COL18A1: variants seen among roughly 807,000 people sequenced by gnomAD.
The protein encoded by COL18A1 is collagen alpha-1(XVIII) chain.
Under a neutral mutation model 168.0 loss-of-function variants are expected in COL18A1, and 133 were observed. The ratio of observed to expected loss-of-function variants is 0.79; its 90% CI spans 0.69 to 0.91. The LOEUF is 0.91. Among genes scored for constraint, COL18A1 ranks in the 40% least tolerant of loss-of-function variants. COL18A1 has a pLI of 0.00. For missense variants in COL18A1, 2,126 were observed against 1,925.4 expected, an observed-to-expected ratio of 1.10 and a Z score of -1.95; for synonymous variants, 949 against 809.0, an observed-to-expected ratio of 1.17 and a Z score of -2.94.
chr21:45,494,333 T>G (rs1274900879), intron 26 of COL18A1: 1 of 575,466 alleles, frequency 1.7e-6, no homozygotes, highest in East Asian at 3.6e-5. Flanking sequence ...AACCCGACCC[T>G]CCCCTCACCA....
chr21:45,482,359 A>G (rs2236468), intron 14 of COL18A1: 280,252 of 665,896 alleles, frequency 0.42, 61,377 homozygotes, highest in African/African-American at 0.64. Flanking sequence ...CCGGGGCCCC[A>G]GGCGTTTGTG....
At chr21:45,495,008 G>T in intron 28 of COL18A1, 93 bp downstream of exon 28, 1 of 1,131,460 alleles carries the variant, frequency 8.8e-7, no homozygotes, top group East Asian at 2.6e-5. Flanking sequence ...CCAGAGGGGA[G>T]TGGACGGCCG....
At chr21:45,456,574 C>A (rs1421535698) in intron 2 of COL18A1, 2 of 1,544,664 alleles carry the variant, frequency 1.3e-6, no homozygotes, top group Admixed American at 3.9e-5. Flanking sequence ...GCCACCTGGG[C>A]ATCTCACGCT....
intron 30 of COL18A1, 33 bp from the exon 31 acceptor site, chr21:45,497,017 C>A (rs1177682629): frequency 1.9e-6 from 3 of 1,557,046 alleles, no homozygotes; most frequent in Non-Finnish European, 1.8e-6. Flanking sequence ...CAGAACATCG[C>A]CCTCAGCAGC....
Position 45,495,425 on chromosome 21 carries a change from G to A in COL18A1, c.2501G>A (p.Gly834Asp). ...CCGGGAGATGCCAGCCTTGGATTTG[G>A]CATGAGGGTGAGTGTCTCTCAAGGG... ...GEPGDASLGFGMRGMPGPPGP... is the reference protein window; with the variant it reads ...GEPGDASLGFDMRGMPGPPGP... The change falls in exon 29 of 42, where the codon GGC (glycine) becomes GAC (aspartate). Residue 834 changes from glycine to aspartate, a missense_variant. Physicochemically the swap from Gly to Asp is moderately conservative, Grantham distance 94 (BLOSUM62 -1). Transcript: ENST00000651438. 6.2e-7 allele frequency: 1 copy of A among 1,609,148 alleles called. No individual in the cohort carries two copies. Among genetic ancestry groups the A allele is most frequent in the Non-Finnish European group, 8.5e-7 (1 of 1,177,632 alleles).
intron 2 of COL18A1, chr21:45,456,437 GC>G (rs2034818898): frequency 1.3e-6 from 2 of 1,544,412 alleles, no homozygotes; most frequent in Middle Eastern, 3.3e-4. Flanking sequence ...GGACAGCGGT[GC>G]TTGGGTCTCC....
intron 13 of COL18A1, among the ~76,000 whole-genome samples, chr21:45,481,551 G>A (rs1335382994): frequency 6.6e-6 from 1 of 152,232 alleles, no homozygotes; most frequent in Non-Finnish European, 1.5e-5. Context: ...CTACCGATGG[G>A]CATTCACCGT....
chr21:45,490,776 C>G, intron 20 of COL18A1, 60 bp from the exon 21 acceptor site: 1 of 1,518,634 alleles, frequency 6.6e-7, no homozygotes, highest in Non-Finnish European at 8.9e-7. Flanking sequence ...CCATCCCTCA[C>G]GGGGGGCCAG....
rs990003305 is a variant in COL18A1 at position 45,511,536 on chromosome 21, G to A, written c.3809+310G>A. 1.2e-4 allele frequency among the ~76,000 whole-genome samples: 18 copies of A among 152,094 alleles called. 1 individual carries two copies. The highest frequency in any genetic ancestry group is 4.6e-4 in the Admixed American group (7 of 15,286). ...GCCTGTGGTCAGCCATGTAAGCAGC[G>A]CAGCGAGTTTATTCACCGAGAATAA... On this transcript the variant is annotated intron_variant, in intron 41 of 41. Coordinates refer to ENST00000651438, the MANE Select transcript of COL18A1 (RefSeq NM_001379500.1).
At chr21:45,491,760 G>A (rs2036362498) in intron 22 of COL18A1, among the ~76,000 whole-genome samples, 1 of 152,192 alleles carries the variant, frequency 6.6e-6, no homozygotes, top group Non-Finnish European at 1.5e-5. Context: ...CTCTGCGCCT[G>A]CCAGCAGTGC....
chr21:45,504,974 G>C (rs2037103346), intron 34 of COL18A1, among the ~76,000 whole-genome samples, 160 bp from the exon 35 acceptor site: 1 of 152,074 alleles, frequency 6.6e-6, no homozygotes, highest in Non-Finnish European at 1.5e-5. Flanking sequence ...AGGGGTGATG[G>C]TGTGGGGGTT....
At position 45,423,899 on chromosome 21, in the gene COL18A1, C is replaced by G. The variant is rs372077172; in HGVS notation, c.106+18426C>G. The G allele has an allele frequency of 2.0e-5, 3 of 152,366 alleles. No individual in the cohort carries two copies. The highest frequency in any genetic ancestry group is 7.2e-5 in the African/African-American group (3 of 41,552). The allele number at this position is 152,366 out of a possible 1,614,324, so 9.4% of individuals were successfully genotyped here. ...CAGAGGCCTGACGCACTCAGCTGCT[C>G]GCCCAGGGCCCTCCTGTTGGGCATT... is the stretch of plus-strand genomic sequence containing the variant. On this transcript the variant is annotated intron_variant, in intron 2 of 41. Coordinates refer to ENST00000651438, the MANE Select transcript of COL18A1 (RefSeq NM_001379500.1). This position sits in a 1 kb window ranked among gnomAD's most constrained non-coding sequence, Gnocchi z 4.0.
At chr21:45,505,499 C>G in intron 36 of COL18A1, 68 bp downstream of exon 36, 1 of 839,402 alleles carries the variant, frequency 1.2e-6, no homozygotes, top group Non-Finnish European at 2.0e-6. Flanking sequence ...GCCCCTGCCC[C>G]TCAGAGACAC....
At chr21:45,482,105 C>A (rs2035919591) in intron 14 of COL18A1, 80 bp downstream of exon 14, 1 of 1,122,504 alleles carries the variant, frequency 8.9e-7, no homozygotes, top group East Asian at 2.4e-5. Flanking sequence ...CCTGGTGACG[C>A]CCGTGAAGGG....
chr21:45,415,482 G>T (rs2033414480), intron 2 of COL18A1, among the ~76,000 whole-genome samples: 1 of 152,224 alleles, frequency 6.6e-6, no homozygotes, highest in Non-Finnish European at 1.5e-5. Context: ...CACGGGTGGG[G>T]CAGGAGGAGG....
At chr21:45,475,962 C>G (rs908921105) in intron 5 of COL18A1, among the ~76,000 whole-genome samples, 1 of 152,222 alleles carries the variant, frequency 6.6e-6, no homozygotes, top group Non-Finnish European at 1.5e-5. Flanking sequence ...CCTGAGAAAA[C>G]ACAGGAGGGG....
chr21:45,473,951 C>T lies in COL18A1; in HGVS notation c.708C>T (p.Cys236=). The stretch of plus-strand genomic sequence containing the variant: ...ACCCCCAGGTGAGCCCCATGCACTG[C>T]CTGGACGAGGAAGGCGATGACTCAG... ...RRDPQVSPMH[C]LDEEGDDSDG... is the part of the protein sequence containing the mutation. The change falls in exon 4 of 42, where the codon TGC becomes TGT. Residue 236 remains cysteine, a synonymous_variant. Transcript: ENST00000651438. This position sits in a 1 kb window ranked among gnomAD's most constrained non-coding sequence, Gnocchi z 4.0. 6.2e-7 allele frequency: 1 copy of T among 1,603,966 alleles called. No homozygotes were observed. Among genetic ancestry groups the T allele is most frequent in the Non-Finnish European group, 8.5e-7 (1 of 1,175,436 alleles).
At chr21:45,461,555 AATGCTGAAGAGC>A (rs1394674889) in intron 2 of COL18A1, among the ~76,000 whole-genome samples, 2 of 152,082 alleles carry the variant, frequency 1.3e-5, no homozygotes, top group East Asian at 3.9e-4. Context: ...CATCTGCTGC[AATGCTGAAGAGC>A]AGTCTGGAGC....
chr21:45,496,641 CCTT>C (rs2036553745), intron 30 of COL18A1, 73 bp downstream of exon 30: 4 of 806,846 alleles, frequency 5.0e-6, no homozygotes, highest in Non-Finnish European at 9.0e-6. Context: ...AGGGGCTGGG[CCTT>C]CTTCTCCCCT....
Sources: gnomAD v4.1 joint callset for allele counts (sites outside exome capture counted in the v4.1 genomes callset) on GRCh38, gnomAD v4.1.1 for gene constraint, Gnocchi (gnomAD v3.1) non-coding constraint, MANE v1.5 for transcripts, NCBI Gene and HGNC (gene_info 2026-07-23, HGNC 2026-07-21) for gene names.